Variants in ATXN7L1 observed in about 807,000 individuals in gnomAD.
ATXN7L1 encodes the protein ataxin-7-like protein 1.
Under a neutral mutation model 70.8 loss-of-function variants are expected in ATXN7L1, and 15 were observed. That is an observed-to-expected ratio of 0.21 (90% confidence interval 0.14 to 0.33). The LOEUF (loss-of-function observed/expected upper bound fraction) is 0.33, where lower values mean the gene tolerates loss of function less well. Ranked by LOEUF, ATXN7L1 falls within the 10% of genes least tolerant of loss-of-function variation. The probability of loss-of-function intolerance (pLI) is 1.00; values close to 1 mark genes in which losing one functional copy is unlikely to be tolerated. For missense variants in ATXN7L1, 975 were observed against 1,097.1 expected, an observed-to-expected ratio of 0.89 and a Z score of 1.57; for synonymous variants, 440 against 445.1, an observed-to-expected ratio of 0.99 and a Z score of 0.14.
chr7:105,761,904 T>C (rs1584944204), intron 3 of ATXN7L1, among the ~76,000 whole-genome samples: 1 of 152,232 alleles, frequency 6.6e-6, no homozygotes, highest in East Asian at 1.9e-4. Context: ...GCTATCTCCT[T>C]CTCAGTGTAA....
intron 3 of ATXN7L1, among the ~76,000 whole-genome samples, chr7:105,696,952 C>T (rs1426780773): frequency 6.6e-6 from 1 of 152,102 alleles, no homozygotes; most frequent in African/African-American, 2.4e-5. Context: ...TCCGTGATGC[C>T]CCACACGCCA....
In ATXN7L1 at chr7:105,876,437, G is replaced by A. The variant is rs1019494247; in HGVS notation, c.122C>T (p.Ala41Val). The A allele has an allele frequency of 1.9e-6, 3 of 1,613,414 alleles. No individual in the cohort carries two copies. Among genetic ancestry groups the A allele is most frequent in the Admixed American group, 1.7e-5 (1 of 59,946 alleles). The change falls in exon 1 of 12, where the codon GCG becomes GTG. Residue 41 changes from alanine (A) to valine (V), a missense_variant. By Grantham distance (64) the Ala-to-Val change is moderately conservative. This residue lies in a region of ATXN7L1 where 135 missense variants were observed against 132.6 expected (regional missense o/e 1.02). Coordinates refer to ENST00000419735, the MANE Select transcript of ATXN7L1 (RefSeq NM_020725.2). The part of the protein sequence containing the change: ...TLDRKVPSPE[A>V]FLGKPWSSWI... ...GGAGGACCAGGGTTTGCCCAGAAACGCCTCCGGACTGGGCACTTTGCGATC... is the reference window on the plus strand; with the variant it reads ...GGAGGACCAGGGTTTGCCCAGAAACACCTCCGGACTGGGCACTTTGCGATC...
rs371786302 is a variant in ATXN7L1 at position 105,766,308 on chromosome 7, C to T, written c.355+22296G>A. Among the ~76,000 whole-genome samples the T allele has an allele frequency of 7.2e-5, 11 of 152,118 alleles. No individual in the cohort carries two copies. The East Asian group carries it at 7.7e-4, about 11-fold the overall frequency. On this transcript the variant is annotated intron_variant, in intron 3 of 11. Transcript: ENST00000419735. ...CTCAAGCCACTTACAGTGCGTGCAA[C>T]GTGAAGGAAACTGAAATGTATGCAC...
At chr7:105,848,868 C>A (rs1248442290) in intron 2 of ATXN7L1, among the ~76,000 whole-genome samples, 2 of 152,144 alleles carry the variant, frequency 1.3e-5, no homozygotes, top group African/African-American at 2.4e-5. Context: ...CCTCAGCCTG[C>A]CAGCCCAGAG....
intron 4 of ATXN7L1, among the ~76,000 whole-genome samples, chr7:105,659,265 A>G (rs1477042399): frequency 6.6e-6 from 1 of 152,268 alleles, no homozygotes; most frequent in African/African-American, 2.4e-5. Flanking sequence ...AATTCTAGAC[A>G]AAAGGTCAGC....
Position 105,610,518 on chromosome 7 carries a change from C to G in ATXN7L1, c.2547+11G>C. The G allele has an allele frequency of 3.9e-6, 6 of 1,550,604 alleles. No individual in the cohort carries two copies. The highest frequency in any genetic ancestry group is 2.4e-5 in the East Asian group (1 of 40,892). On this transcript the variant is annotated intron_variant, in intron 11 of 11. Coordinates refer to ENST00000419735, the MANE Select transcript of ATXN7L1 (RefSeq NM_020725.2). ...TGAATTTTTGCCCCACCCCCACCCT[C>G]AGTAACTTACCTGTCGGCTGTGTCC...
Position 105,751,637 on chromosome 7 carries a change from A to G in ATXN7L1, c.355+36967T>C, listed in dbSNP as rs568807293. ...GGCAACAGAGTGAGATCCTGTCTCA[A>G]AGAAAAAAAAAAAGTCTCACCTTCA... is the stretch of plus-strand genomic sequence containing the variant. On this transcript the variant is annotated intron_variant, in intron 3 of 11. Coordinates refer to ENST00000419735, the MANE Select transcript of ATXN7L1 (RefSeq NM_020725.2). Among the ~76,000 whole-genome samples, 24 of 152,302 alleles carry G rather than the reference A, an allele frequency of 1.6e-4. 1 individual carries two copies. The East Asian group carries it at 3.9e-3, about 24-fold the overall frequency.
Position 105,642,866 on chromosome 7 carries a change from G to C in ATXN7L1, c.834C>G (p.Asn278Lys), listed in dbSNP as rs1474468138. ...AAAGTCTCCTGTAAGGCTTGTTGCTGTTTTTGGTGCCATTTTGGTGTTTCT... is the reference window on the plus strand; with the variant it reads ...AAAGTCTCCTGTAAGGCTTGTTGCTCTTTTTGGTGCCATTTTGGTGTTTCT... ...IDKKHQNGTK[N>K]SNKPYRRLSE... The change falls in exon 5 of 12, where the codon AAC (asparagine) becomes AAG (lysine). Residue 278 changes from asparagine (N) to lysine (K), a missense_variant. Physicochemically the swap from Asn to Lys is moderately conservative, Grantham distance 94 (BLOSUM62 0). This residue lies in a region of ATXN7L1 where 192 missense variants were observed against 215.5 expected (regional missense o/e 0.89). Transcript: ENST00000419735. 3 of 1,551,710 alleles carry C rather than the reference G, an allele frequency of 1.9e-6. No homozygotes were observed. The highest frequency in any genetic ancestry group is 8.7e-7 in the Non-Finnish European group (1 of 1,146,996).
chr7:105,770,181 A>C (rs1801792212), intron 3 of ATXN7L1, among the ~76,000 whole-genome samples: 1 of 152,218 alleles, frequency 6.6e-6, no homozygotes, highest in South Asian at 2.1e-4. Context: ...AGCCTGCCTG[A>C]GACAATTCAA....
At chr7:105,611,985 T>C (rs2115718473) in intron 10 of ATXN7L1, among the ~76,000 whole-genome samples, 1 of 152,346 alleles carries the variant, frequency 6.6e-6, no homozygotes, top group East Asian at 1.9e-4. Flanking sequence ...AGCCGTTAAA[T>C]GCATCCGTTT....
chr7:105,638,361 T>C lies in ATXN7L1; in HGVS notation c.1194A>G (p.Val398=). The C allele has an allele frequency of 6.4e-7, 1 of 1,551,482 alleles. No homozygotes were observed. Among genetic ancestry groups the C allele is most frequent in the African/African-American group, 1.4e-5 (1 of 73,142 alleles). The change falls in exon 7 of 12, where the codon GTA becomes GTG. Residue 398 remains valine, a synonymous_variant. Transcript: ENST00000419735. ...GTCAAGGTGGTACTTACCTAGGAAG[T>C]ACAGAGTTGGGTGGTCTGGATTTTG... The part of the protein sequence containing the change: ...SPAKSRPPNS[V]LPRPSSANSI...
chr7:105,751,870 A>C lies in ATXN7L1; in HGVS notation c.355+36734T>G, dbSNP rs563101266. ...TCAGCTCTGCCTTTCCATGGATCAAAATCACTGGAATCTCTTTCTTATACT... is the reference window on the plus strand; with the variant it reads ...TCAGCTCTGCCTTTCCATGGATCAACATCACTGGAATCTCTTTCTTATACT... On this transcript the variant is annotated intron_variant, in intron 3 of 11. Coordinates refer to ENST00000419735, the MANE Select transcript of ATXN7L1 (RefSeq NM_020725.2). Among the ~76,000 whole-genome samples, 7 of 152,328 alleles carry C rather than the reference A, an allele frequency of 4.6e-5. No individual in the cohort carries two copies. In the South Asian group the frequency reaches 1.5e-3, roughly 32 times the overall value.
Position 105,702,600 on chromosome 7 carries a change from C to T in ATXN7L1, c.356-37312G>A, listed in dbSNP as rs75144854. Among the ~76,000 whole-genome samples, 471 of 152,004 alleles carry T rather than the reference C, an allele frequency of 3.1e-3. 2 individuals are homozygous for T. The highest frequency in any genetic ancestry group is 0.011 in the African/African-American group (445 of 41,428). ...CACACACACACAGGGCGAATCACAT[C>T]TTTTAAATAGGAAAGAGAAATGCAG... On this transcript the variant is annotated intron_variant, in intron 3 of 11. Transcript: ENST00000419735.
chr7:105,732,600 T>C (rs542578), intron 3 of ATXN7L1, among the ~76,000 whole-genome samples: 47,219 of 151,982 alleles, frequency 0.31, 8,486 homozygotes, highest in African/African-American at 0.5. Context: ...CTGCTGAGTA[T>C]GCAGTTGTTC....
chr7:105,699,739 T>C (rs1021218792), intron 3 of ATXN7L1, among the ~76,000 whole-genome samples: 2 of 152,194 alleles, frequency 1.3e-5, no homozygotes, highest in African/African-American at 4.8e-5. Context: ...CACTAAACCA[T>C]GATGATTGCC....
At chr7:105,733,506 C>CCATCCATCCATCCATCCATCCATT (rs1563048370) in intron 3 of ATXN7L1, among the ~76,000 whole-genome samples, 189 of 103,412 alleles carry the variant, frequency 1.8e-3, no homozygotes, top group East Asian at 5.6e-3. Context: ...ATCCATCCTT[C>CCATCCATCCATCCATCCATCCATT]CATCCATCCA....
At chr7:105,863,564 T>C (rs1470230606) in intron 2 of ATXN7L1, among the ~76,000 whole-genome samples, 1 of 152,158 alleles carries the variant, frequency 6.6e-6, no homozygotes, top group African/African-American at 2.4e-5. Flanking sequence ...TTGCTTCCCC[T>C]TAGTCCTAAC....
intron 2 of ATXN7L1, among the ~76,000 whole-genome samples, chr7:105,820,873 C>G (rs1810033106): frequency 6.6e-6 from 1 of 152,148 alleles, no homozygotes; most frequent in African/African-American, 2.4e-5. Context: ...ACCTACCCTC[C>G]ACCCCCTTGC....
At chr7:105,836,285 C>T (rs771359371) in intron 2 of ATXN7L1, among the ~76,000 whole-genome samples, 30 of 152,064 alleles carry the variant, frequency 2.0e-4, no homozygotes, top group Non-Finnish European at 3.8e-4. Context: ...AATATTTAGC[C>T]GAAAGTACTC....
Sources: gnomAD v4.1 joint callset for allele counts (sites outside exome capture counted in the v4.1 genomes callset) on GRCh38, gnomAD v4.1.1 for gene constraint, gnomAD v4.1.1 regional missense constraint, MANE v1.5 for transcripts, NCBI Gene and HGNC (gene_info 2026-07-23, HGNC 2026-07-21) for gene names.